Variants in PTPRK observed in about 807,000 individuals in gnomAD.
The protein encoded by PTPRK is receptor-type tyrosine-protein phosphatase kappa.
A neutral mutation model predicts 178.0 loss-of-function variants in PTPRK; 75 were observed. The ratio of observed to expected loss-of-function variants is 0.42; its 90% CI spans 0.35 to 0.51. The LOEUF (loss-of-function observed/expected upper bound fraction) is 0.51. Among genes scored for constraint, PTPRK ranks in the 20% least tolerant of loss-of-function variants. The pLI is 0.02. For synonymous variants in PTPRK, 637 were observed against 620.6 expected (o/e 1.03, Z -0.39); for missense variants, 1,441 against 1,797.8 (o/e 0.80, Z 3.59).
intron 3 of PTPRK, among the ~76,000 whole-genome samples, chr6:128,299,681 G>A (rs900646244): frequency 6.6e-6 from 1 of 152,190 alleles, no homozygotes; most frequent in Non-Finnish European, 1.5e-5. Context: ...GTAGAAAGCT[G>A]AAACTGGATC....
chr6:128,149,895 A>G (rs1797019168), intron 7 of PTPRK, among the ~76,000 whole-genome samples: 1 of 152,148 alleles, frequency 6.6e-6, no homozygotes, highest in Non-Finnish European at 1.5e-5. Flanking sequence ...AACTGAGATT[A>G]CTTCCAACTA....
At chr6:128,144,129 C>T (rs973972592) in intron 7 of PTPRK, among the ~76,000 whole-genome samples, 1 of 152,174 alleles carries the variant, frequency 6.6e-6, no homozygotes, top group Non-Finnish European at 1.5e-5. Flanking sequence ...AAGGTCTTCT[C>T]TTTCCTAACT....
At chr6:128,217,061 C>T (rs188904102) in intron 6 of PTPRK, among the ~76,000 whole-genome samples, 3 of 152,266 alleles carry the variant, frequency 2.0e-5, no homozygotes, top group Admixed American at 6.5e-5. Flanking sequence ...TTCAATAGCA[C>T]GCCCACGTTC....
chr6:128,485,331 C>T (rs1434538611), intron 1 of PTPRK, among the ~76,000 whole-genome samples: 2 of 152,134 alleles, frequency 1.3e-5, no homozygotes, highest in African/African-American at 4.8e-5. Context: ...GATTTTCAAC[C>T]ATTTCTTTCA....
intron 2 of PTPRK, among the ~76,000 whole-genome samples, chr6:128,370,439 A>C (rs543839917): frequency 6.6e-6 from 1 of 152,234 alleles, no homozygotes; most frequent in Non-Finnish European, 1.5e-5. Flanking sequence ...TTCCTAAATA[A>C]AATATTTCTC....
In PTPRK at chr6:128,048,039, A is replaced by G. The variant is rs1258535718; in HGVS notation, c.2194+16719T>C. On this transcript the variant is annotated intron_variant, in intron 13 of 29. Transcript: ENST00000368226. ...GGTTGTCCTTCCCACCTCTCTGTTTATAAATCAGGAAGGAAAACATTTCTT... is the reference window on the plus strand; with the variant it reads ...GGTTGTCCTTCCCACCTCTCTGTTTGTAAATCAGGAAGGAAAACATTTCTT... Among the ~76,000 whole-genome samples the G allele has an allele frequency of 2.0e-5, 3 of 152,174 alleles. No individual in the cohort carries two copies. In the East Asian group the frequency reaches 5.8e-4, roughly 29 times the overall value.
intron 1 of PTPRK, among the ~76,000 whole-genome samples, chr6:128,518,030 C>A (rs145982685): frequency 1.5e-4 from 22 of 151,720 alleles, no homozygotes; most frequent in African/African-American, 5.1e-4. Context: ...TTTATGGTAG[C>A]CAGAAAAAAA....
chr6:128,511,522 A>G (rs1047595833), intron 1 of PTPRK, among the ~76,000 whole-genome samples: 74 of 152,314 alleles, frequency 4.9e-4, no homozygotes, highest in African/African-American at 1.7e-3. Flanking sequence ...GAGCTGCCAC[A>G]GCCATCGTGC....
intron 8 of PTPRK, among the ~76,000 whole-genome samples, chr6:128,089,041 T>C (rs1469440006): frequency 2.0e-5 from 3 of 152,170 alleles, no homozygotes; most frequent in Admixed American, 2.0e-4. Context: ...CAGCTCTCTG[T>C]AACCTCTGTC....
chr6:128,511,617 G>A (rs866139543), intron 1 of PTPRK, among the ~76,000 whole-genome samples: 7 of 152,224 alleles, frequency 4.6e-5, no homozygotes, highest in Middle Eastern at 3.4e-3. Context: ...GTGGAATTAC[G>A]TCAACTTCTA....
intron 6 of PTPRK, among the ~76,000 whole-genome samples, chr6:128,217,389 T>C (rs1214670056): frequency 3.3e-5 from 5 of 152,060 alleles, no homozygotes; most frequent in Admixed American, 3.3e-4. Context: ...AAGACTAAAG[T>C]TTACAAGAGG....
chr6:128,190,622 C>T (rs1319799540), intron 6 of PTPRK, among the ~76,000 whole-genome samples: 1 of 151,162 alleles, frequency 6.6e-6, no homozygotes, highest in African/African-American at 2.4e-5. Context: ...CCTCTGCCTC[C>T]CAAGTAGCTG....
In PTPRK at chr6:128,226,761, CATATATATATAT is replaced by C. The variant is rs71028117; in HGVS notation, c.694-7677_694-7666del. Among the ~76,000 whole-genome samples, 701 of 109,548 alleles carry C rather than the reference CATATATATATAT, an allele frequency of 6.4e-3. 6 individuals are homozygous for C. The highest frequency in any genetic ancestry group is 0.018 in the South Asian group (54 of 3,066). The allele number at this position is 109,548 out of a possible 152,430, so 71.9% of individuals were successfully genotyped here. ...ATATGTAATCTTATAATTATATAGA[CATATATATATAT>C]ATATATATATATATATATATATATA... On this transcript the variant is annotated intron_variant, in intron 5 of 29. Transcript: ENST00000368226.
chr6:128,037,996 A>G (rs960774092), intron 13 of PTPRK, among the ~76,000 whole-genome samples: 3 of 152,184 alleles, frequency 2.0e-5, no homozygotes, highest in Admixed American at 1.3e-4. Context: ...TTTCAAAACC[A>G]TATGTTATTT....
chr6:128,272,607 A>C (rs1820030986), intron 3 of PTPRK, among the ~76,000 whole-genome samples: 1 of 152,192 alleles, frequency 6.6e-6, no homozygotes, highest in Non-Finnish European at 1.5e-5. Context: ...CACGTGAAAA[A>C]ATGCTCAGCA....
At chr6:128,162,104 T>C (rs1432532132) in intron 7 of PTPRK, among the ~76,000 whole-genome samples, 1 of 151,632 alleles carries the variant, frequency 6.6e-6, no homozygotes, top group Non-Finnish European at 1.5e-5. Context: ...TAAATAACAG[T>C]AAGTGGCAAT....
chr6:128,263,187 T>C (rs1818438183), intron 3 of PTPRK, among the ~76,000 whole-genome samples: 1 of 152,136 alleles, frequency 6.6e-6, no homozygotes, highest in Non-Finnish European at 1.5e-5. Flanking sequence ...AACTGACTTC[T>C]GGATAAATGC....
chr6:128,090,567 T>C (rs1199432891), intron 7 of PTPRK, among the ~76,000 whole-genome samples: 1 of 152,250 alleles, frequency 6.6e-6, no homozygotes, highest in East Asian at 1.9e-4. Flanking sequence ...ATATTCACAT[T>C]GTCTTCTTTC....
intron 3 of PTPRK, among the ~76,000 whole-genome samples, chr6:128,301,340 A>T (rs1244604569): frequency 6.6e-6 from 1 of 152,134 alleles, no homozygotes; most frequent in Non-Finnish European, 1.5e-5. Flanking sequence ...TCAAATGCTT[A>T]AACCAAAATG....
Sources: gnomAD v4.1 joint callset for allele counts (sites outside exome capture counted in the v4.1 genomes callset) on GRCh38, gnomAD v4.1.1 for gene constraint, MANE v1.5 for transcripts, NCBI Gene and HGNC (gene_info 2026-07-23, HGNC 2026-07-21) for gene names.